Variants in GLG1 observed in about 807,000 individuals in gnomAD.
GLG1 encodes golgi glycoprotein 1.
In GLG1, 38 loss-of-function variants were observed where a neutral mutation model predicts 160.5. The observed-to-expected ratio is 0.24, with a 90% CI of 0.18 to 0.31. The LOEUF (loss-of-function observed/expected upper bound fraction) is 0.31, where lower values mean the gene tolerates loss of function less well. Among genes scored for constraint, GLG1 ranks in the 10% least tolerant of loss-of-function variants. The probability of loss-of-function intolerance (pLI) is 1.00; values close to 1 mark genes in which losing one functional copy is unlikely to be tolerated. For missense variants in GLG1, 1,373 were observed against 1,505.2 expected, an observed-to-expected ratio of 0.91 and a Z score of 1.45; for synonymous variants, 644 against 543.4, an observed-to-expected ratio of 1.19 and a Z score of -2.57.
intron 6 of GLG1, 74 bp from the exon 7 acceptor site, chr16:74,493,214 G>C: frequency 4.3e-6 from 4 of 934,790 alleles, no homozygotes; most frequent in Non-Finnish European, 6.6e-6. Flanking sequence ...ACTAAGATGA[G>C]CACAGCGACT....
chr16:74,465,331 T>C (rs2014960143), intron 19 of GLG1, among the ~76,000 whole-genome samples: 1 of 152,230 alleles, frequency 6.6e-6, no homozygotes, highest in Non-Finnish European at 1.5e-5. Flanking sequence ...CAGCTACTAT[T>C]AATCGTCCTC....
At chr16:74,568,537 C>A (rs186976301) in intron 1 of GLG1, among the ~76,000 whole-genome samples, 2 of 151,902 alleles carry the variant, frequency 1.3e-5, no homozygotes, top group African/African-American at 4.8e-5. Context: ...CCTGCCTCAG[C>A]CTCCTGAGTA....
chr16:74,582,415 C>G (rs1386378482), intron 1 of GLG1, among the ~76,000 whole-genome samples: 1 of 152,068 alleles, frequency 6.6e-6, no homozygotes, highest in Non-Finnish European at 1.5e-5. Flanking sequence ...ATCTGCCTGC[C>G]TCAACATCCC....
rs556465311 is a variant in GLG1 at position 74,469,482 on chromosome 16, T to C, written c.2319-419A>G. 15 of 194,056 alleles carry C rather than the reference T, an allele frequency of 7.7e-5. No homozygotes were observed. In the South Asian group the frequency reaches 2.0e-3, roughly 26 times the overall value. 12.0% of individuals were successfully genotyped at this position (194,056 alleles called of 1,614,324 possible). ...TGTATGAGGGCAAGTGTTCTAGAAA[T>C]GGTCCTTTCAAAGAGCAACATGGAA... is the stretch of plus-strand genomic sequence containing the variant. On this transcript the variant is annotated intron_variant, in intron 16 of 25. Coordinates refer to ENST00000422840, the MANE Select transcript of GLG1 (RefSeq NM_001145667.2).
chr16:74,468,764 C>G, intron 17 of GLG1, 182 bp downstream of exon 17: 1 of 593,538 alleles, frequency 1.7e-6, no homozygotes, highest in Non-Finnish European at 3.1e-6. Flanking sequence ...AAGGTTTTAT[C>G]ATTCAAAATC....
intron 1 of GLG1, among the ~76,000 whole-genome samples, chr16:74,589,793 C>T (rs1443014858): frequency 6.6e-6 from 1 of 152,022 alleles, no homozygotes; most frequent in African/African-American, 2.4e-5. Context: ...AATTCTTGGC[C>T]GAGCACGGTG....
chr16:74,485,975 C>T (rs948287162), intron 8 of GLG1, 58 bp from the exon 9 acceptor site: 18 of 1,378,550 alleles, frequency 1.3e-5, no homozygotes, highest in East Asian at 6.9e-5. Context: ...TAGGTAAGAG[C>T]AGTGTCTTCA....
chr16:74,599,052 G>A (rs1453687447), intron 1 of GLG1, among the ~76,000 whole-genome samples: 1 of 151,930 alleles, frequency 6.6e-6, no homozygotes, highest in Non-Finnish European at 1.5e-5. Context: ...TCCTTCTACA[G>A]AACAATGAAT....
chr16:74,604,794 T>C (rs1002827093), intron 1 of GLG1, among the ~76,000 whole-genome samples: 6 of 152,232 alleles, frequency 3.9e-5, no homozygotes, highest in Non-Finnish European at 7.3e-5. Flanking sequence ...CTCACACCAC[T>C]AATCTCAGCA....
chr16:74,556,803 A>C (rs1286642840), intron 1 of GLG1, among the ~76,000 whole-genome samples: 1 of 150,096 alleles, frequency 6.7e-6, no homozygotes, highest in Non-Finnish European at 1.5e-5. Context: ...TTATTATTAC[A>C]ACCTAATAGT....
chr16:74,460,394 T>C (rs2014742520), intron 22 of GLG1, among the ~76,000 whole-genome samples: 1 of 152,134 alleles, frequency 6.6e-6, no homozygotes, highest in South Asian at 2.1e-4. Context: ...TGACCTCAGG[T>C]GATCCTCCTA....
intron 1 of GLG1, among the ~76,000 whole-genome samples, chr16:74,586,767 C>CA (rs1179543889): frequency 2.0e-5 from 3 of 151,730 alleles, no homozygotes; most frequent in Admixed American, 2.0e-4. Flanking sequence ...GGCGTGATCT[C>CA]AGCTAACTGC....
At chr16:74,509,917 C>A (rs537615097) in intron 2 of GLG1, among the ~76,000 whole-genome samples, 7 of 152,036 alleles carry the variant, frequency 4.6e-5, no homozygotes, top group African/African-American at 1.4e-4. Context: ...GAACTCCTGG[C>A]CTCAAGCAAT....
At chr16:74,596,423 G>A (rs1369008875) in intron 1 of GLG1, among the ~76,000 whole-genome samples, 2 of 151,940 alleles carry the variant, frequency 1.3e-5, no homozygotes, top group Admixed American at 6.6e-5. Flanking sequence ...CAGCTACTCG[G>A]GAAGCTGAGG....
At chr16:74,460,222 TGTTA>T in intron 22 of GLG1, among the ~76,000 whole-genome samples, 1 of 152,300 alleles carries the variant, frequency 6.6e-6, no homozygotes, top group Middle Eastern at 3.4e-3. Flanking sequence ...AGTTTCTCCA[TGTTA>T]GTCAGGCTGG....
intron 1 of GLG1, among the ~76,000 whole-genome samples, chr16:74,600,267 C>G (rs1023507370): frequency 1.3e-5 from 2 of 152,010 alleles, no homozygotes; most frequent in Admixed American, 6.6e-5. Context: ...GTGTTGTGTA[C>G]CTATAGTCCC....
At chr16:74,570,278 T>C (rs1253754417) in intron 1 of GLG1, among the ~76,000 whole-genome samples, 1 of 152,162 alleles carries the variant, frequency 6.6e-6, no homozygotes, top group East Asian at 1.9e-4. Context: ...AAAAACATCA[T>C]AAAACCACCA....
intron 1 of GLG1, among the ~76,000 whole-genome samples, chr16:74,582,542 C>T (rs950248352): frequency 1.6e-4 from 24 of 151,986 alleles, no homozygotes; most frequent in African/African-American, 5.6e-4. Flanking sequence ...TGGGTTCTGC[C>T]GGGCGTGGGG....
At chr16:74,585,284 C>G (rs977416659) in intron 1 of GLG1, among the ~76,000 whole-genome samples, 4 of 152,118 alleles carry the variant, frequency 2.6e-5, no homozygotes, top group Admixed American at 1.3e-4. Context: ...TGGCACACAC[C>G]TGTAGTCCCA....
Sources: allele counts gnomAD v4.1 joint callset (sites outside exome capture counted in the v4.1 genomes callset), GRCh38; gene constraint gnomAD v4.1.1; transcripts MANE v1.5; gene names NCBI Gene and HGNC (gene_info 2026-07-23, HGNC 2026-07-21).